Variants in DHX8 observed in about 807,000 individuals in gnomAD.
DHX8 encodes the protein DEAH-box helicase 8, also known as ATP-dependent RNA helicase DHX8.
In DHX8, 67 loss-of-function variants were observed where a neutral mutation model predicts 140.7. The observed-to-expected ratio is 0.48, with a 90% confidence interval of 0.39 to 0.58. DHX8 has a LOEUF of 0.58. Among genes scored for constraint, DHX8 ranks in the 20% least tolerant of loss-of-function variants. DHX8 has a pLI of 0.00. For synonymous variants in DHX8, 533 were observed against 553.2 expected (o/e 0.96, Z 0.51); for missense variants, 887 against 1,550.7 (o/e 0.57, Z 7.19).
At chr17:43,511,851 C>CA (rs1210970204) in intron 16 of DHX8, among the ~76,000 whole-genome samples, 2,070 of 67,962 alleles carry the variant, frequency 0.03, 24 homozygotes, top group Non-Finnish European at 0.039. Context: ...CCTATCTCTA[C>CA]AAAAAAAAAA....
intron 4 of DHX8, 117 bp from the exon 5 acceptor site, chr17:43,492,066 C>A: frequency 2.8e-6 from 2 of 706,430 alleles, no homozygotes; most frequent in Non-Finnish European, 2.5e-6. Context: ...AGTTTGAAAT[C>A]TCTGCCCCTC....
At chr17:43,503,322 A>G (rs1430532684) in intron 11 of DHX8, among the ~76,000 whole-genome samples, 1 of 151,994 alleles carries the variant, frequency 6.6e-6, no homozygotes, top group African/African-American at 2.4e-5. Context: ...ACATAGTGAA[A>G]CCCCATCTGT....
chr17:43,508,106 A>G, intron 15 of DHX8, 87 bp downstream of exon 15: 2 of 1,342,362 alleles, frequency 1.5e-6, no homozygotes, highest in South Asian at 1.4e-5. Flanking sequence ...TTTTTTGCTA[A>G]TCTTTTTAAA....
chr17:43,525,320 A>G lies in DHX8; in HGVS notation c.*1473A>G. The G allele has an allele frequency of 3.0e-6, 3 of 985,196 alleles. No homozygotes were observed. The highest frequency in any genetic ancestry group is 3.6e-6 in the Non-Finnish European group (3 of 829,710). 61.0% of individuals were successfully genotyped at this position (985,196 alleles called of 1,614,324 possible). A position where few individuals can be genotyped will look rare whatever the true frequency, so the allele number is the denominator to read the frequency against. On this transcript the variant is annotated 3_prime_UTR_variant, in exon 23 of 23. Coordinates refer to ENST00000262415, the MANE Select transcript of DHX8 (RefSeq NM_004941.3). ...TGTATGCCAGACACTAAGAGAGACTATGTAACATTCCAGGATATAAAGGAA... is the reference window on the plus strand; with the variant it reads ...TGTATGCCAGACACTAAGAGAGACTGTGTAACATTCCAGGATATAAAGGAA...
At chr17:43,511,648 G>A (rs1969844637) in intron 16 of DHX8, among the ~76,000 whole-genome samples, 1 of 150,392 alleles carries the variant, frequency 6.6e-6, no homozygotes. Context: ...AGTAGAGACA[G>A]GGTTTTGACA....
intron 17 of DHX8, among the ~76,000 whole-genome samples, chr17:43,515,865 A>G (rs1010112171): frequency 3.3e-5 from 5 of 152,192 alleles, no homozygotes; most frequent in African/African-American, 1.2e-4. Flanking sequence ...GAGCTGGCAT[A>G]GTAATTTGTA....
At chr17:43,517,055 C>T in intron 17 of DHX8, 112 bp from the exon 18 acceptor site, 2 of 1,149,434 alleles carry the variant, frequency 1.7e-6, no homozygotes, top group East Asian at 2.7e-5. Flanking sequence ...TGAAATCAAC[C>T]CCATTTCTGA....
At chr17:43,530,093 G>T, downstream of DHX8, 1 of 1,604,198 alleles carries the variant, frequency 6.2e-7, no homozygotes, top group East Asian at 2.3e-5. Flanking sequence ...GCAGGGGAAG[G>T]GGGGCTGCCT....
chr17:43,495,741 C>G (rs963389200), intron 8 of DHX8, among the ~76,000 whole-genome samples: 2 of 152,116 alleles, frequency 1.3e-5, no homozygotes, highest in Non-Finnish European at 2.9e-5. Context: ...CTCCCGATAT[C>G]GTGGGTCAGA....
In DHX8 at chr17:43,504,814, C is replaced by G. The variant is rs1438791826; in HGVS notation, c.1717C>G (p.Gln573Glu). 1 of 1,613,478 alleles carries G rather than the reference C, an allele frequency of 6.2e-7. No individual in the cohort carries two copies. Among genetic ancestry groups the G allele is most frequent in the South Asian group, 1.1e-5 (1 of 90,968 alleles). Reference protein sequence around the residue: ...ESLPIYKLKEQLVQAVHDNQI... With the variant: ...ESLPIYKLKEELVQAVHDNQI... ...CCTGCCCATCTACAAACTGAAGGAG[C>G]AATTGGTCCAGGTGAGAAGACTTTT... is the stretch of plus-strand genomic sequence containing the variant. Residue 573 changes from glutamine (Q) to glutamate (E), a missense_variant, in exon 12 of 23, where the codon CAA (glutamine) becomes GAA (glutamate). By Grantham distance (29) the Gln-to-Glu change is conservative (BLOSUM62 2). Coordinates refer to ENST00000262415, the MANE Select transcript of DHX8 (RefSeq NM_004941.3).
chr17:43,492,408 A>G lies in DHX8; in HGVS notation c.503+116A>G, dbSNP rs1968576131. On this transcript the variant is annotated intron_variant, in intron 5 of 22. Transcript: ENST00000262415. ...ACAGAATCTGGACTGGTCATATATC[A>G]TATTGTTGGATCTGTTTTCATTGCT... The G allele has an allele frequency of 8.3e-6, 6 of 726,850 alleles. No homozygotes were observed. The Admixed American group carries it at 1.4e-4, about 17-fold the overall frequency. The allele number at this position is 726,850 out of a possible 1,614,324, so 45.0% of individuals were successfully genotyped here. A position where few individuals can be genotyped will look rare whatever the true frequency, so the allele number is the denominator to read the frequency against.
intron 22 of DHX8, among the ~76,000 whole-genome samples, chr17:43,522,527 T>G (rs1014125083): frequency 2.0e-5 from 3 of 151,792 alleles, no homozygotes; most frequent in Admixed American, 6.6e-5. Flanking sequence ...GGTGGGCAGA[T>G]CAGCCGAGGT....
intron 17 of DHX8, among the ~76,000 whole-genome samples, chr17:43,515,180 A>T (rs1268833058): frequency 6.6e-6 from 1 of 152,176 alleles, no homozygotes; most frequent in Non-Finnish European, 1.5e-5. Flanking sequence ...AATAATAGCT[A>T]ACACTTTTTG....
At chr17:43,520,434 T>C (rs544361771) in intron 19 of DHX8, among the ~76,000 whole-genome samples, 167 bp downstream of exon 19, 36 of 152,374 alleles carry the variant, frequency 2.4e-4, no homozygotes, top group Non-Finnish European at 3.8e-4. Flanking sequence ...AAACTGTTTC[T>C]TCTTTATACA....
At chr17:43,514,069 C>A (rs1423797078) in intron 17 of DHX8, among the ~76,000 whole-genome samples, 1 of 152,066 alleles carries the variant, frequency 6.6e-6, no homozygotes, top group Non-Finnish European at 1.5e-5. Flanking sequence ...AGGCCAGACA[C>A]CTTGGCTCAC....
chr17:43,529,067 C>A, downstream of DHX8: 1 of 1,436,576 alleles, frequency 7.0e-7, no homozygotes, highest in Non-Finnish European at 9.8e-7. Flanking sequence ...CCCTGCTGAC[C>A]CTCTCCCCAG....
chr17:43,496,111 A>C (rs1470346048), intron 8 of DHX8, 70 bp from the exon 9 acceptor site: 1 of 1,298,318 alleles, frequency 7.7e-7, no homozygotes, highest in Non-Finnish European at 1.1e-6. Context: ...AAAACAAAAC[A>C]AAACCAAAAA....
At chr17:43,517,734 T>A (rs1475472216) in intron 18 of DHX8, 1 of 156,408 alleles carries the variant, frequency 6.4e-6, no homozygotes, top group Non-Finnish European at 1.4e-5. Context: ...GAACTGTCAG[T>A]ACAGATTTCA....
chr17:43,490,936 A>G (rs892406450), intron 3 of DHX8, among the ~76,000 whole-genome samples: 2 of 152,042 alleles, frequency 1.3e-5, no homozygotes, highest in African/African-American at 2.4e-5. Flanking sequence ...ACATAACCCA[A>G]TGAGTATTGC....
Sources: allele counts gnomAD v4.1 joint callset (sites outside exome capture counted in the v4.1 genomes callset), GRCh38; gene constraint gnomAD v4.1.1; transcripts MANE v1.5; gene names NCBI Gene and HGNC (gene_info 2026-07-23, HGNC 2026-07-21).